Variants in TRIP4 observed in about 807,000 individuals in gnomAD.
The protein encoded by TRIP4 is thyroid hormone receptor interactor 4, also known as activating signal cointegrator 1.
Under a neutral mutation model 81.8 loss-of-function variants are expected in TRIP4, and 54 were observed. The observed-to-expected ratio is 0.66, with a 90% CI of 0.53 to 0.83. TRIP4 has a LOEUF of 0.83. Ranked by LOEUF, TRIP4 falls within the 40% of genes least tolerant of loss-of-function variation. The probability of loss-of-function intolerance (pLI) is 0.00; values close to 1 mark genes in which losing one functional copy is unlikely to be tolerated. For missense variants in TRIP4, 662 were observed against 683.6 expected (o/e 0.97, Z 0.35); for synonymous variants, 270 against 242.8 (o/e 1.11, Z -1.04).
intron 5 of TRIP4, among the ~76,000 whole-genome samples, chr15:64,401,143 T>C (rs1456138187): frequency 6.6e-6 from 1 of 151,380 alleles, no homozygotes; most frequent in Non-Finnish European, 1.5e-5. Context: ...TACTTTTTTT[T>C]TTTTTTTTGA....
chr15:64,391,191 C>CT (rs1327815344), intron 1 of TRIP4, among the ~76,000 whole-genome samples: 3 of 151,648 alleles, frequency 2.0e-5, no homozygotes, highest in African/African-American at 7.3e-5. Flanking sequence ...GAGTCTCACT[C>CT]TGTCGCCCAG....
chr15:64,432,088 T>C (rs981655556), intron 11 of TRIP4, among the ~76,000 whole-genome samples: 4 of 150,844 alleles, frequency 2.7e-5, no homozygotes, highest in Admixed American at 6.6e-5. Flanking sequence ...GGTTTCACCA[T>C]GTTGGCCAGG....
chr15:64,394,786 T>C (rs546060402), intron 2 of TRIP4, among the ~76,000 whole-genome samples: 65 of 152,298 alleles, frequency 4.3e-4, no homozygotes, highest in African/African-American at 1.5e-3. Flanking sequence ...ACTGCTTAAA[T>C]AGTACAAAAG....
Position 64,395,428 on chromosome 15 carries a change from A to G in TRIP4, c.302A>G (p.His101Arg). Residue 101 changes from histidine to arginine, a missense_variant, in exon 3 of 13, where the codon CAT becomes CGT. His to Arg is a conservative substitution (Grantham distance 29). Coordinates refer to ENST00000261884, the MANE Select transcript of TRIP4 (RefSeq NM_016213.5). ...EILDGQKSGDHLKRGRKKGRN... is the reference protein window; with the variant it reads ...EILDGQKSGDRLKRGRKKGRN... Reference sequence around the variant, plus strand: ...TTAGATGGGCAGAAATCAGGCGACCATCTAAAGCGGGGTAGGAAGAAAGGG... The same window carrying G: ...TTAGATGGGCAGAAATCAGGCGACCGTCTAAAGCGGGGTAGGAAGAAAGGG... 6.2e-7 allele frequency: 1 copy of G among 1,613,446 alleles called. No individual in the cohort carries two copies. Among genetic ancestry groups the G allele is most frequent in the Non-Finnish European group, 8.5e-7 (1 of 1,179,786 alleles).
chr15:64,424,861 C>T (rs766593728), intron 10 of TRIP4, among the ~76,000 whole-genome samples: 6 of 152,104 alleles, frequency 3.9e-5, no homozygotes, highest in African/African-American at 7.2e-5. Flanking sequence ...CTGCAACTTC[C>T]GCCTTCCAGG....
chr15:64,439,910 T>C (rs1373309200), intron 11 of TRIP4, among the ~76,000 whole-genome samples: 29 of 152,036 alleles, frequency 1.9e-4, no homozygotes, highest in Non-Finnish European at 5.9e-5. Context: ...GTTTAGGAGT[T>C]ATTGATCATT....
At position 64,400,742 on chromosome 15, in the gene TRIP4, G is replaced by GGTGT. The variant is rs1566973266; in HGVS notation, c.621_624dup (p.Thr209ValfsTer4). The GGTGT allele has an allele frequency of 6.2e-7, 1 of 1,613,050 alleles. No homozygotes were observed. The highest frequency in any genetic ancestry group is 8.5e-7 in the Non-Finnish European group (1 of 1,179,186). On this transcript the variant is annotated frameshift_variant and splice_region_variant. Coordinates refer to ENST00000261884, the MANE Select transcript of TRIP4 (RefSeq NM_016213.5). LOFTEE classifies it high-confidence loss of function. ...CATGTCTTACTCTTACTATTTTACA[G>GGTGT]GTGTGTACTCATGAGGAACAAGATA...
chr15:64,398,022 T>C (rs1900344629), intron 4 of TRIP4, among the ~76,000 whole-genome samples: 1 of 152,020 alleles, frequency 6.6e-6, no homozygotes, highest in Non-Finnish European at 1.5e-5. Context: ...TGCCTCAGCC[T>C]CCCGAGCAGC....
chr15:64,455,166 C>T lies in TRIP4; in HGVS notation c.*102C>T, dbSNP rs1892857980. On this transcript the variant is annotated 3_prime_UTR_variant, in exon 13 of 13. Transcript: ENST00000261884. ...AAGTAGTAGAAACCTAAAGGCTTGG[C>T]GTCAGGCTTGAATATCTCAGAACTT... 1.3e-5 allele frequency: 13 copies of T among 1,023,238 alleles called. No individual in the cohort carries two copies. Among genetic ancestry groups the T allele is most frequent in the South Asian group, 3.5e-5 (2 of 56,562 alleles). The allele number at this position is 1,023,238 out of a possible 1,614,324, so 63.4% of individuals were successfully genotyped here. A position where few individuals can be genotyped will look rare whatever the true frequency, so the allele number is the denominator to read the frequency against.
chr15:64,399,702 A>G (rs1027229699), intron 4 of TRIP4, among the ~76,000 whole-genome samples: 3 of 152,008 alleles, frequency 2.0e-5, no homozygotes, highest in Non-Finnish European at 4.4e-5. Flanking sequence ...GGGTTTCTCT[A>G]TATTGACCAC....
chr15:64,436,419 CTG>C (rs970205992), intron 11 of TRIP4, among the ~76,000 whole-genome samples: 4 of 151,980 alleles, frequency 2.6e-5, no homozygotes, highest in African/African-American at 9.7e-5. Flanking sequence ...TGGTGAAACC[CTG>C]TCTCTACTAA....
intron 11 of TRIP4, 91 bp downstream of exon 11, chr15:64,425,722 T>A: frequency 1.0e-6 from 1 of 964,656 alleles, no homozygotes. Context: ...CTGGGCCTCT[T>A]AAAAGTGCTG....
chr15:64,431,847 A>ATTTTTTTTTTTTTTTTTTTTTT (rs1555411171), intron 11 of TRIP4, among the ~76,000 whole-genome samples: 1 of 119,560 alleles, frequency 8.4e-6, no homozygotes, highest in African/African-American at 3.3e-5. Context: ...ATATATATAT[A>ATTTTTTTTTTTTTTTTTTTTTT]TTTTTTTTAT....
rs534589002 is a variant in TRIP4, at chr15:64,395,499, G to A, written c.373G>A (p.Ala125Thr). ...VPAFTEPDTTAEVKTPFDLAK... is the reference protein window; with the variant it reads ...VPAFTEPDTTTEVKTPFDLAK... ...TGCATTTACTGAACCTGACACGACT[G>A]CAGAGGTTAAAACACCTTTTGATTT... is the stretch of plus-strand genomic sequence containing the variant. The change falls in exon 3 of 13, where the codon GCA (alanine) becomes ACA (threonine). Residue 125 changes from alanine (A) to threonine (T), a missense_variant. Ala to Thr is a moderately conservative substitution (Grantham distance 58, BLOSUM62 0). Transcript: ENST00000261884. 4 of 1,613,686 alleles carry A rather than the reference G, an allele frequency of 2.5e-6. No individual in the cohort carries two copies. In the African/African-American group the frequency reaches 4.0e-5, roughly 16 times the overall value.
intron 2 of TRIP4, among the ~76,000 whole-genome samples, 163 bp downstream of exon 2, chr15:64,394,278 T>C (rs1900222643): frequency 6.6e-6 from 1 of 152,050 alleles, no homozygotes; most frequent in Admixed American, 6.6e-5. Flanking sequence ...CAATCCGTAA[T>C]GAATATTGCT....
rs568577856 is a variant in TRIP4 at position 64,424,274 on chromosome 15, T to C, written c.1483+119T>C. On this transcript the variant is annotated intron_variant, in intron 10 of 12. Transcript: ENST00000261884. ...TTTGTTAAAAGAGACTTTTAATCTT[T>C]GTATATGTTTGTTTGTTTAGTGGTA... The C allele has an allele frequency of 3.6e-6, 5 of 1,381,174 alleles. No homozygotes were observed. The South Asian group carries it at 5.7e-5, about 16-fold the overall frequency. 85.6% of individuals were successfully genotyped at this position (1,381,174 alleles called of 1,614,324 possible). A position where few individuals can be genotyped will look rare whatever the true frequency, so the allele number is the denominator to read the frequency against.
At chr15:64,431,711 A>T (rs781248944) in intron 11 of TRIP4, among the ~76,000 whole-genome samples, 2 of 142,576 alleles carry the variant, frequency 1.4e-5, no homozygotes, top group Non-Finnish European at 3.1e-5. Flanking sequence ...ATCTCAAATT[A>T]AAAAAAAAAA....
At position 64,446,905 on chromosome 15, in the gene TRIP4, C is replaced by G. The variant is rs186766398; in HGVS notation, c.1678+1797C>G. The stretch of plus-strand genomic sequence containing the variant: ...GGATCACAAGGTCAGGAGATCGAGA[C>G]TACCCTGGCTAACACAGTGAAACCC... On this transcript the variant is annotated intron_variant, in intron 12 of 12. Coordinates refer to ENST00000261884, the MANE Select transcript of TRIP4 (RefSeq NM_016213.5). 8.8e-4 allele frequency among the ~76,000 whole-genome samples: 133 copies of G among 151,766 alleles called. 1 individual carries two copies. The highest frequency in any genetic ancestry group is 3.0e-3 in the African/African-American group (125 of 41,424).
intron 12 of TRIP4, among the ~76,000 whole-genome samples, chr15:64,452,260 G>T (rs1363251397): frequency 6.6e-6 from 1 of 152,194 alleles, no homozygotes. Flanking sequence ...GGGATTGCAG[G>T]CATGAGCCAC....
Sources: allele counts gnomAD v4.1 joint callset (sites outside exome capture counted in the v4.1 genomes callset), GRCh38; gene constraint gnomAD v4.1.1; transcripts MANE v1.5; gene names NCBI Gene and HGNC (gene_info 2026-07-23, HGNC 2026-07-21).